PARD3B: variants seen among roughly 807,000 people sequenced by gnomAD.
The protein encoded by PARD3B is par-3 family cell polarity regulator beta.
PARD3B carries 103 observed loss-of-function variants against 130.2 expected under a neutral mutation model. The ratio of observed to expected loss-of-function variants is 0.79; its 90% CI spans 0.67 to 0.93. The LOEUF is 0.93. PARD3B is among the 40% of genes least tolerant of loss of function. The probability of loss-of-function intolerance (pLI) is 0.00; values close to 1 mark genes in which losing one functional copy is unlikely to be tolerated. For missense variants in PARD3B, 1,609 were observed against 1,499.2 expected (o/e 1.07, Z -1.21); for synonymous variants, 583 against 553.2 (o/e 1.05, Z -0.76).
chr2:204,731,147 T>G (rs1179588173), intron 2 of PARD3B, among the ~76,000 whole-genome samples: 1 of 152,240 alleles, frequency 6.6e-6, no homozygotes, highest in Non-Finnish European at 1.5e-5. Context: ...GTTTTTGCCA[T>G]TTTTACTATT....
At chr2:205,392,861 C>G (rs2045905101) in intron 18 of PARD3B, among the ~76,000 whole-genome samples, 1 of 152,176 alleles carries the variant, frequency 6.6e-6, no homozygotes, top group Non-Finnish European at 1.5e-5. Context: ...GAATATTTTT[C>G]CTTCTTAATG....
intron 2 of PARD3B, among the ~76,000 whole-genome samples, chr2:204,829,788 A>G (rs1003938085): frequency 1.3e-5 from 2 of 152,082 alleles, no homozygotes; most frequent in South Asian, 2.1e-4. Flanking sequence ...TCACGAGGTC[A>G]GGAGATCAAG....
chr2:204,898,105 A>G (rs2046710407), intron 2 of PARD3B, among the ~76,000 whole-genome samples: 1 of 151,370 alleles, frequency 6.6e-6, no homozygotes, highest in Non-Finnish European at 1.5e-5. Flanking sequence ...AATTTTATGT[A>G]TATTTTACCA....
At chr2:205,447,591 C>T (rs1301405255) in intron 20 of PARD3B, among the ~76,000 whole-genome samples, 1 of 152,172 alleles carries the variant, frequency 6.6e-6, no homozygotes, top group African/African-American at 2.4e-5. Flanking sequence ...TTTGGCCAGG[C>T]TGGTCTTGAA....
chr2:204,788,604 G>C (rs1434855024), intron 2 of PARD3B, among the ~76,000 whole-genome samples: 1 of 152,158 alleles, frequency 6.6e-6, no homozygotes, highest in South Asian at 2.1e-4. Context: ...ATAGAAAAAT[G>C]TGTGAACTCA....
intron 20 of PARD3B, among the ~76,000 whole-genome samples, chr2:205,444,236 G>A: frequency 6.6e-6 from 1 of 152,062 alleles, no homozygotes; most frequent in African/African-American, 2.4e-5. Flanking sequence ...GCCCCCCTTG[G>A]CCTCCCAAAA....
intron 18 of PARD3B, among the ~76,000 whole-genome samples, chr2:205,322,206 T>C (rs903280733): frequency 6.6e-6 from 1 of 152,230 alleles, no homozygotes; most frequent in African/African-American, 2.4e-5. Context: ...ATAAATGTAT[T>C]ATGAAAGTTA....
At chr2:205,307,238 T>C (rs2105921913) in intron 18 of PARD3B, among the ~76,000 whole-genome samples, 1 of 152,348 alleles carries the variant, frequency 6.6e-6, no homozygotes, top group African/African-American at 2.4e-5. Flanking sequence ...TTTAACTTCT[T>C]AATTTAACCT....
At chr2:205,072,952 A>G (rs1700830328) in intron 4 of PARD3B, among the ~76,000 whole-genome samples, 1 of 152,210 alleles carries the variant, frequency 6.6e-6, no homozygotes, top group Non-Finnish European at 1.5e-5. Flanking sequence ...TATGATATAC[A>G]GTAACTGCAG....
In PARD3B at chr2:205,291,938, C is replaced by A. The variant is rs1012045323; in HGVS notation, c.2186-8592C>A. ...GAAGGCAATTCAGTGATCATCAGGACAATCCTTCCTACCAACAGGCCCAGA... is the reference window on the plus strand; with the variant it reads ...GAAGGCAATTCAGTGATCATCAGGAAAATCCTTCCTACCAACAGGCCCAGA... On this transcript the variant is annotated intron_variant, in intron 16 of 22. Coordinates refer to ENST00000406610, the MANE Select transcript of PARD3B (RefSeq NM_001302769.2). This position sits in a 1 kb window ranked among gnomAD's most constrained non-coding sequence, Gnocchi z 4.6. Among the ~76,000 whole-genome samples, 3 of 152,224 alleles carry A rather than the reference C, an allele frequency of 2.0e-5. No homozygotes were observed. Among genetic ancestry groups the A allele is most frequent in the African/African-American group, 7.2e-5 (3 of 41,458 alleles).
chr2:204,555,387 G>A (rs771223017), intron 1 of PARD3B, among the ~76,000 whole-genome samples: 4 of 151,980 alleles, frequency 2.6e-5, no homozygotes, highest in Non-Finnish European at 5.9e-5. Context: ...GTGAAACCCC[G>A]TCTCTACTAA....
chr2:205,496,344 A>G (rs943800162), intron 20 of PARD3B, among the ~76,000 whole-genome samples: 2 of 152,214 alleles, frequency 1.3e-5, no homozygotes, highest in Admixed American at 1.3e-4. Flanking sequence ...CACCTTAAAT[A>G]CCTATTTAGG....
At chr2:205,318,163 G>A (rs1366003917) in intron 18 of PARD3B, among the ~76,000 whole-genome samples, 2 of 151,780 alleles carry the variant, frequency 1.3e-5, no homozygotes, top group South Asian at 2.1e-4. Context: ...TCTCCCCCAG[G>A]GACTGTAATT....
At chr2:205,200,357 C>T (rs1379253027) in intron 15 of PARD3B, among the ~76,000 whole-genome samples, 2 of 152,154 alleles carry the variant, frequency 1.3e-5, no homozygotes, top group African/African-American at 4.8e-5. Flanking sequence ...GTATACTTCC[C>T]TGTCTGTTAT....
rs115312960 is a variant in PARD3B at position 204,745,966 on chromosome 2, T to A, written c.222+59684T>A. Among the ~76,000 whole-genome samples, 1,001 of 150,718 alleles carry A rather than the reference T, an allele frequency of 6.6e-3. 13 individuals carry two copies. Among genetic ancestry groups the A allele is most frequent in the African/African-American group, 0.023 (964 of 41,204 alleles). On this transcript the variant is annotated intron_variant, in intron 2 of 22. Coordinates refer to ENST00000406610, the MANE Select transcript of PARD3B (RefSeq NM_001302769.2). ...GTAAAACGAACAAAAACATGTAATATAGCAGGATTTTTTTTCTTTTTTTTT... is the reference window on the plus strand; with the variant it reads ...GTAAAACGAACAAAAACATGTAATAAAGCAGGATTTTTTTTCTTTTTTTTT...
At chr2:205,164,299 C>G (rs928997484) in intron 11 of PARD3B, among the ~76,000 whole-genome samples, 1 of 152,076 alleles carries the variant, frequency 6.6e-6, no homozygotes, top group African/African-American at 2.4e-5. Flanking sequence ...TGTAATATAA[C>G]ATTACTTTTA....
At chr2:205,094,852 C>G (rs1196119239) in intron 4 of PARD3B, among the ~76,000 whole-genome samples, 1 of 152,086 alleles carries the variant, frequency 6.6e-6, no homozygotes, top group Non-Finnish European at 1.5e-5. Flanking sequence ...TGTATTTCAG[C>G]CAGCAAAATG....
At chr2:205,384,978 CT>C (rs574256738) in intron 18 of PARD3B, among the ~76,000 whole-genome samples, 9 of 150,994 alleles carry the variant, frequency 6.0e-5, no homozygotes, top group East Asian at 5.8e-4. Context: ...AATATTGAAC[CT>C]TTTTTTTTAA....
At chr2:204,848,198 A>G (rs2044546544) in intron 2 of PARD3B, among the ~76,000 whole-genome samples, 1 of 152,230 alleles carries the variant, frequency 6.6e-6, no homozygotes, top group Non-Finnish European at 1.5e-5. Flanking sequence ...ATAGGAATAA[A>G]CATAGTATAT....
Sources: allele counts gnomAD v4.1 joint callset (sites outside exome capture counted in the v4.1 genomes callset), GRCh38; gene constraint gnomAD v4.1.1; non-coding constraint Gnocchi (gnomAD v3.1); transcripts MANE v1.5; gene names NCBI Gene and HGNC (gene_info 2026-07-23, HGNC 2026-07-21).